LDLRAD3: variants seen among roughly 807,000 people sequenced by gnomAD.
LDLRAD3 encodes the protein low-density lipoprotein receptor class A domain-containing protein 3.
LDLRAD3 carries 20 observed loss-of-function variants against 29.4 expected under a neutral mutation model. That is an observed-to-expected ratio of 0.68 (90% CI 0.48 to 0.99). The LOEUF is 0.99. Among genes scored for constraint, LDLRAD3 ranks in the 50% least tolerant of loss-of-function variants. The pLI, the probability that LDLRAD3 is intolerant of heterozygous loss-of-function variation, is 0.00. For synonymous variants in LDLRAD3, 157 were observed against 192.7 expected, an observed-to-expected ratio of 0.81 and a Z score of 1.53; for missense variants, 420 against 454.3, an observed-to-expected ratio of 0.92 and a Z score of 0.69.
intron 4 of LDLRAD3, among the ~76,000 whole-genome samples, chr11:36,144,605 C>CGGA (rs1854143714): frequency 7.0e-6 from 1 of 141,848 alleles, no homozygotes; most frequent in Non-Finnish European, 1.5e-5. Flanking sequence ...AGGAGACCCT[C>CGGA]TGCCTGGCAA....
chr11:36,019,122 C>G (rs1852059679), intron 1 of LDLRAD3, among the ~76,000 whole-genome samples: 1 of 152,108 alleles, frequency 6.6e-6, no homozygotes, highest in Admixed American at 6.6e-5. Flanking sequence ...GCTGGAGAGT[C>G]CGGCTGTCTG....
intron 4 of LDLRAD3, among the ~76,000 whole-genome samples, chr11:36,156,949 A>T (rs1235925987): frequency 6.6e-6 from 1 of 152,208 alleles, no homozygotes; most frequent in Non-Finnish European, 1.5e-5. Context: ...TTCTCCACAC[A>T]AAGTACATTC....
At chr11:35,960,665 C>G (rs10836473) in intron 1 of LDLRAD3, among the ~76,000 whole-genome samples, 1 of 152,012 alleles carries the variant, frequency 6.6e-6, no homozygotes, top group Admixed American at 6.5e-5. Context: ...GGCGCGATCT[C>G]GGCTCACTGC....
Position 36,229,626 on chromosome 11 carries a change from C to G in LDLRAD3, c.*229C>G. The G allele has an allele frequency of 8.6e-6, 4 of 465,088 alleles. No homozygotes were observed. The highest frequency in any genetic ancestry group is 1.1e-5 in the Non-Finnish European group (3 of 262,472). The allele number at this position is 465,088 out of a possible 1,614,324, so 28.8% of individuals were successfully genotyped here. On this transcript the variant is annotated 3_prime_UTR_variant, in exon 6 of 6. Transcript: ENST00000315571. The stretch of plus-strand genomic sequence containing the variant: ...GTCTTTTCTGTCAGGTCACTCTTCC[C>G]TTGGGACCCGAGATCACACCCTCAT...
chr11:36,107,942 G>C (rs565993244), intron 4 of LDLRAD3, among the ~76,000 whole-genome samples: 20 of 152,176 alleles, frequency 1.3e-4, no homozygotes, highest in Admixed American at 9.2e-4. Context: ...TCTATTGTAA[G>C]AGCTATCATT....
intron 1 of LDLRAD3, among the ~76,000 whole-genome samples, chr11:36,004,699 T>G (rs1851863346): frequency 6.6e-6 from 1 of 152,176 alleles, no homozygotes. Flanking sequence ...CTAGTAGAGG[T>G]TCTGCATGAG....
At chr11:36,174,833 T>A (rs1412226269) in intron 4 of LDLRAD3, among the ~76,000 whole-genome samples, 1 of 151,848 alleles carries the variant, frequency 6.6e-6, no homozygotes, top group African/African-American at 2.4e-5. Flanking sequence ...TACAAAAAAA[T>A]TAGCTGGGCG....
chr11:35,955,466 T>G (rs1366674662), intron 1 of LDLRAD3, among the ~76,000 whole-genome samples: 1 of 152,146 alleles, frequency 6.6e-6, no homozygotes, highest in Admixed American at 6.5e-5. Flanking sequence ...TTACTCTTAT[T>G]AAAAGAAATC....
intron 4 of LDLRAD3, among the ~76,000 whole-genome samples, chr11:36,138,126 T>C (rs1241332568): frequency 6.6e-6 from 1 of 152,248 alleles, no homozygotes; most frequent in East Asian, 1.9e-4. Flanking sequence ...GGCTGTCCTC[T>C]GCAAGGGAAC....
At chr11:36,051,235 A>G (rs1385990090) in intron 2 of LDLRAD3, among the ~76,000 whole-genome samples, 4 of 152,202 alleles carry the variant, frequency 2.6e-5, no homozygotes, top group African/African-American at 4.8e-5. Context: ...AAGGGAGAGG[A>G]AAGGTTTCAG....
intron 2 of LDLRAD3, among the ~76,000 whole-genome samples, chr11:36,076,622 G>A (rs372759968): frequency 5.5e-4 from 83 of 152,260 alleles, no homozygotes; most frequent in African/African-American, 1.9e-3. Flanking sequence ...TCCTGACCTT[G>A]TGATCCACCC....
intron 1 of LDLRAD3, among the ~76,000 whole-genome samples, chr11:35,979,589 G>A (rs994124731): frequency 2.0e-5 from 3 of 152,178 alleles, no homozygotes; most frequent in Non-Finnish European, 4.4e-5. Context: ...AGCTTTAGAC[G>A]AGCGTTGAGA....
At chr11:36,015,316 C>T (rs139308461) in intron 1 of LDLRAD3, among the ~76,000 whole-genome samples, 18 of 137,042 alleles carry the variant, frequency 1.3e-4, no homozygotes, top group Admixed American at 2.2e-4. Context: ...TCCCCCCCCC[C>T]GCCCCCTGCC....
intron 4 of LDLRAD3, among the ~76,000 whole-genome samples, chr11:36,168,117 A>C (rs1313154125): frequency 6.6e-6 from 1 of 152,186 alleles, no homozygotes; most frequent in Non-Finnish European, 1.5e-5. Flanking sequence ...GGAGGAGCTG[A>C]ATTTGCTTTT....
chr11:36,116,999 G>T lies in LDLRAD3; in HGVS notation c.454+18538G>T, dbSNP rs559632217. ...TGGGACTACAGGCGCGAGCTGCCAT[G>T]CCCGGCTAATTTTTGTATTTTTATA... On this transcript the variant is annotated intron_variant, in intron 4 of 5. Transcript: ENST00000315571. 5.9e-5 allele frequency among the ~76,000 whole-genome samples: 9 copies of T among 152,046 alleles called. No individual in the cohort carries two copies. The East Asian group carries it at 1.7e-3, about 29-fold the overall frequency.
intron 3 of LDLRAD3, among the ~76,000 whole-genome samples, chr11:36,093,740 G>A (rs1481554830): frequency 3.9e-5 from 6 of 152,154 alleles, no homozygotes; most frequent in African/African-American, 1.2e-4. Flanking sequence ...GAGATATGCT[G>A]ACAATTTGAA....
At chr11:36,109,353 A>G (rs909515090) in intron 4 of LDLRAD3, among the ~76,000 whole-genome samples, 1 of 151,546 alleles carries the variant, frequency 6.6e-6, no homozygotes. Flanking sequence ...GCCACGGATA[A>G]GACACGTGAA....
chr11:36,083,882 G>A (rs527573583), intron 3 of LDLRAD3, among the ~76,000 whole-genome samples: 28 of 152,040 alleles, frequency 1.8e-4, no homozygotes, highest in African/African-American at 6.5e-4. Flanking sequence ...CATAATTAAA[G>A]ACCTTGTATG....
chr11:36,044,577 C>G (rs1852423226), intron 2 of LDLRAD3, among the ~76,000 whole-genome samples: 1 of 152,206 alleles, frequency 6.6e-6, no homozygotes, highest in South Asian at 2.1e-4. Flanking sequence ...GAGCCTGTGC[C>G]ACAGAAACAC....
Sources: gnomAD v4.1 joint callset for allele counts (sites outside exome capture counted in the v4.1 genomes callset) on GRCh38, gnomAD v4.1.1 for gene constraint, MANE v1.5 for transcripts, NCBI Gene and HGNC (gene_info 2026-07-23, HGNC 2026-07-21) for gene names.